Variants in KAZN observed in about 807,000 individuals in gnomAD.
KAZN encodes kazrin, periplakin interacting protein, also known as kazrin.
Under a neutral mutation model 87.4 loss-of-function variants are expected in KAZN, and 40 were observed. That is an observed-to-expected ratio of 0.46 (90% CI 0.36 to 0.60). The LOEUF (loss-of-function observed/expected upper bound fraction) is 0.60, where lower values mean the gene tolerates loss of function less well. Ranked by LOEUF, KAZN falls within the 20% of genes least tolerant of loss-of-function variation. The pLI is 0.00. For synonymous variants in KAZN, 466 were observed against 458.3 expected, an observed-to-expected ratio of 1.02 and a Z score of -0.22; for missense variants, 898 against 1,073.9, an observed-to-expected ratio of 0.84 and a Z score of 2.29.
rs1172296459 is a variant in KAZN at position 15,094,942 on chromosome 1, A to T, written c.1547+9A>T. 16 of 1,541,092 alleles carry T rather than the reference A, an allele frequency of 1.0e-5. No homozygotes were observed. The Admixed American group carries it at 2.9e-4, about 28-fold the overall frequency. On this transcript the variant is annotated intron_variant, in intron 10 of 14. Coordinates refer to ENST00000376030, the MANE Select transcript of KAZN (RefSeq NM_201628.3). This position sits in a 1 kb window ranked among gnomAD's most constrained non-coding sequence, Gnocchi z 4.5. ...GCCGAGGCAGGCCGCAGGTGAGCCC[A>T]CCACGAGGGGCCCCGGGGGAGGAGA...
In KAZN at chr1:14,865,559, A is replaced by AC. The variant is rs1017533646; in HGVS notation, c.227-95120dup. ...AAAACACCCTTCTTCTTGCCAGGGG[A>AC]CCCCCTCCACCAAAAGCCAGAGAGA... is the stretch of plus-strand genomic sequence containing the variant. On this transcript the variant is annotated intron_variant, in intron 1 of 14. Coordinates refer to ENST00000376030, the MANE Select transcript of KAZN (RefSeq NM_201628.3). Among the ~76,000 whole-genome samples, 9 of 151,708 alleles carry AC rather than the reference A, an allele frequency of 5.9e-5. 1 individual carries two copies. The highest frequency in any genetic ancestry group is 1.7e-4 in the African/African-American group (7 of 41,266).
At chr1:14,248,168 G>A (rs1383501424) in intron 2 of KAZN, among the ~76,000 whole-genome samples, 1 of 152,156 alleles carries the variant, frequency 6.6e-6, no homozygotes, top group African/African-American at 2.4e-5. Flanking sequence ...GAGAGCAACC[G>A]TGGGCTTTGT....
chr1:15,028,108 G>A (rs993394610), intron 2 of KAZN, among the ~76,000 whole-genome samples: 3 of 152,168 alleles, frequency 2.0e-5, no homozygotes, highest in African/African-American at 7.2e-5. Flanking sequence ...CATCATCGTG[G>A]GGCCACAGCT....
intron 1 of KAZN, among the ~76,000 whole-genome samples, chr1:14,883,973 T>C (rs1461052313): frequency 1.3e-5 from 2 of 152,134 alleles, no homozygotes; most frequent in African/African-American, 4.8e-5. Context: ...GGTCCTTATA[T>C]CTGTATGTGT....
At chr1:14,133,710 G>T (rs1557502708) in intron 1 of KAZN, among the ~76,000 whole-genome samples, 2 of 152,272 alleles carry the variant, frequency 1.3e-5, no homozygotes, top group East Asian at 1.9e-4. Flanking sequence ...ATGGTGACTT[G>T]TGACCTTGTC....
rs1237160881 is a variant in KAZN, at chr1:15,081,606, G to A, written c.1223-12574G>A. ...AGTGTGTGTGTTGGGGAGTTGTAGG[G>A]TACCCACACTAGGTGACCAGGAAAG... is the stretch of plus-strand genomic sequence containing the variant. On this transcript the variant is annotated intron_variant, in intron 8 of 14. Coordinates refer to ENST00000376030, the MANE Select transcript of KAZN (RefSeq NM_201628.3). The surrounding 1 kb of genome is among the most constrained non-coding windows in gnomAD (Gnocchi z 4.1). 6.6e-6 allele frequency among the ~76,000 whole-genome samples: 1 copy of A among 152,116 alleles called. No individual in the cohort carries two copies. Among genetic ancestry groups the A allele is most frequent in the Non-Finnish European group, 1.5e-5 (1 of 68,024 alleles).
At chr1:14,417,011 TACACACACACAC>T (rs58667891) in intron 2 of KAZN, among the ~76,000 whole-genome samples, 55 of 145,598 alleles carry the variant, frequency 3.8e-4, no homozygotes, top group African/African-American at 1.3e-3. Context: ...TATATATATG[TACACACACACAC>T]ACACACACAC....
At chr1:14,454,737 T>C (rs1423828364) in intron 2 of KAZN, among the ~76,000 whole-genome samples, 1 of 152,222 alleles carries the variant, frequency 6.6e-6, no homozygotes, top group African/African-American at 2.4e-5. Context: ...CTCTGGACTG[T>C]GAAGGTGTTG....
intron 2 of KAZN, among the ~76,000 whole-genome samples, chr1:14,384,478 G>C (rs984910025): frequency 1.3e-5 from 2 of 152,108 alleles, no homozygotes; most frequent in African/African-American, 4.8e-5. Flanking sequence ...TTACTATTTT[G>C]AAATACGTCC....
rs937412907 is a variant in KAZN at position 15,117,635 on chromosome 1, G to T, written c.*3000G>T. On this transcript the variant is annotated 3_prime_UTR_variant, in exon 15 of 15. Transcript: ENST00000376030. ...ACAGGGCTGGGTACTGGCAGAACAG[G>T]AAGATTTGGCCAGAGGTGACCTCAG... 1 of 152,144 alleles carries T rather than the reference G, an allele frequency of 6.6e-6. No individual in the cohort carries two copies. The highest frequency in any genetic ancestry group is 2.4e-5 in the African/African-American group (1 of 41,176). The allele number at this position is 152,144 out of a possible 1,614,324, so 9.4% of individuals were successfully genotyped here. A position where few individuals can be genotyped will look rare whatever the true frequency, so the allele number is the denominator to read the frequency against.
At chr1:14,528,048 T>G (rs1330874525) in intron 2 of KAZN, among the ~76,000 whole-genome samples, 3 of 151,682 alleles carry the variant, frequency 2.0e-5, no homozygotes, top group Non-Finnish European at 4.4e-5. Context: ...TCTATCTATC[T>G]ATGTACCTAC....
intron 1 of KAZN, among the ~76,000 whole-genome samples, chr1:14,122,050 T>G (rs181015105): frequency 1.2e-4 from 19 of 152,232 alleles, no homozygotes; most frequent in African/African-American, 3.4e-4. Context: ...TGCAGGATTC[T>G]GAGCAAAGGA....
intron 1 of KAZN, among the ~76,000 whole-genome samples, chr1:14,000,498 CA>C (rs1639735931): frequency 6.6e-6 from 1 of 152,186 alleles, no homozygotes; most frequent in African/African-American, 2.4e-5. Flanking sequence ...CAATATTCAA[CA>C]TCCCTTCATG....
At chr1:15,040,873 G>A (rs963461121) in intron 3 of KAZN, among the ~76,000 whole-genome samples, 1 of 151,922 alleles carries the variant, frequency 6.6e-6, no homozygotes, top group Non-Finnish European at 1.5e-5. Flanking sequence ...TCCCTGTCAC[G>A]TGACTGCAGA....
chr1:14,354,351 A>G (rs1658810242), intron 2 of KAZN, among the ~76,000 whole-genome samples: 2 of 152,200 alleles, frequency 1.3e-5, no homozygotes, highest in Non-Finnish European at 2.9e-5. Flanking sequence ...TCATCAAAAG[A>G]CACCATTAAG....
intron 2 of KAZN, among the ~76,000 whole-genome samples, chr1:14,557,470 C>T (rs1673955352): frequency 6.6e-6 from 1 of 151,938 alleles, no homozygotes; most frequent in South Asian, 2.1e-4. Flanking sequence ...GGCATAGGTA[C>T]ATTTTTTCCA....
At chr1:14,625,161 G>A (rs1174456925) in intron 1 of KAZN, among the ~76,000 whole-genome samples, 4 of 152,074 alleles carry the variant, frequency 2.6e-5, no homozygotes, top group Non-Finnish European at 5.9e-5. Context: ...GGTGATGAGC[G>A]ATATTCTATT....
chr1:14,315,743 A>G (rs546174370), intron 2 of KAZN, among the ~76,000 whole-genome samples: 1 of 152,122 alleles, frequency 6.6e-6, no homozygotes, highest in South Asian at 2.1e-4. Flanking sequence ...TGTTCCTTTT[A>G]TACTGTTGAA....
intron 1 of KAZN, among the ~76,000 whole-genome samples, chr1:14,810,189 G>C (rs1407085041): frequency 6.6e-6 from 1 of 152,008 alleles, no homozygotes; most frequent in East Asian, 1.9e-4. Context: ...GAACTTTTGG[G>C]TTCAAGAATC....
Sources: allele counts gnomAD v4.1 joint callset (sites outside exome capture counted in the v4.1 genomes callset), GRCh38; gene constraint gnomAD v4.1.1; non-coding constraint Gnocchi (gnomAD v3.1); transcripts MANE v1.5; gene names NCBI Gene and HGNC (gene_info 2026-07-23, HGNC 2026-07-21).